The following EPHB1 variants were observed in gnomAD, a reference collection of about 807,000 sequenced individuals.
EPHB1 encodes the protein EPH receptor B1.
EPHB1 carries 30 observed loss-of-function variants against 94.4 expected under a neutral mutation model. That is an observed-to-expected ratio of 0.32 (90% CI 0.24 to 0.43). The LOEUF is 0.43. Ranked by LOEUF, EPHB1 falls within the 20% of genes least tolerant of loss-of-function variation. The pLI is 1.00. For missense variants in EPHB1, 1,055 were observed against 1,308.3 expected, an observed-to-expected ratio of 0.81 and a Z score of 2.99; for synonymous variants, 522 against 489.1, an observed-to-expected ratio of 1.07 and a Z score of -0.89.
intron 12 of EPHB1, among the ~76,000 whole-genome samples, chr3:135,215,459 G>A (rs770742491): frequency 8.5e-5 from 13 of 152,092 alleles, no homozygotes; most frequent in Non-Finnish European, 1.8e-4. Flanking sequence ...CACCACGCCC[G>A]GCCCAGATGT....
At chr3:134,883,975 A>T (rs948737262) in intron 1 of EPHB1, among the ~76,000 whole-genome samples, 12 of 152,210 alleles carry the variant, frequency 7.9e-5, no homozygotes, top group Non-Finnish European at 1.6e-4. Flanking sequence ...AGGTGAAGAA[A>T]TGCAGCCACC....
At chr3:134,885,951 G>A (rs542216459) in intron 1 of EPHB1, among the ~76,000 whole-genome samples, 3 of 152,332 alleles carry the variant, frequency 2.0e-5, no homozygotes, top group Admixed American at 2.0e-4. Flanking sequence ...AACCCAGACT[G>A]AGCAGTGTTG....
chr3:135,180,074 C>T (rs1228756352), intron 10 of EPHB1, 92 bp downstream of exon 10: 1 of 1,459,320 alleles, frequency 6.9e-7, no homozygotes, highest in African/African-American at 1.4e-5. Context: ...ATGAAAAGCC[C>T]CATTAGGAGG....
At chr3:134,984,653 G>A (rs1179613463) in intron 3 of EPHB1, among the ~76,000 whole-genome samples, 4 of 152,104 alleles carry the variant, frequency 2.6e-5, no homozygotes, top group African/African-American at 7.2e-5. Context: ...CCCCAGAGAG[G>A]GAAGGGCCCT....
chr3:135,225,463 T>C (rs1279003812), intron 12 of EPHB1, among the ~76,000 whole-genome samples: 2 of 152,198 alleles, frequency 1.3e-5, no homozygotes, highest in Non-Finnish European at 2.9e-5. Context: ...GTAAGTTCTC[T>C]AACCTTGGGA....
At chr3:135,130,337 A>G (rs1022645414) in intron 4 of EPHB1, among the ~76,000 whole-genome samples, 2 of 152,172 alleles carry the variant, frequency 1.3e-5, no homozygotes, top group Non-Finnish European at 1.5e-5. Context: ...CAAAGAAGGT[A>G]AGGATTGAAT....
At chr3:135,172,083 T>C (rs1941820071) in intron 9 of EPHB1, among the ~76,000 whole-genome samples, 1 of 152,222 alleles carries the variant, frequency 6.6e-6, no homozygotes, top group East Asian at 1.9e-4. Flanking sequence ...GTGATGTTAG[T>C]TCTGGGATCC....
chr3:135,027,228 C>T (rs1576327000), intron 3 of EPHB1, among the ~76,000 whole-genome samples: 1 of 152,182 alleles, frequency 6.6e-6, no homozygotes, highest in African/African-American at 2.4e-5. Flanking sequence ...CCTAATTGCC[C>T]TGGCCAGGAC....
chr3:135,070,779 C>T (rs962063515), intron 3 of EPHB1, among the ~76,000 whole-genome samples: 2 of 152,084 alleles, frequency 1.3e-5, no homozygotes, highest in Admixed American at 1.3e-4. Context: ...ACAAATGTTT[C>T]ATTGTTTTGC....
Position 135,179,987 on chromosome 3 carries a change from G to A in EPHB1, c.1882+5G>A. The A allele has an allele frequency of 6.2e-7, 1 of 1,613,608 alleles. No individual in the cohort carries two copies. The highest frequency in any genetic ancestry group is 8.5e-7 in the Non-Finnish European group (1 of 1,179,646). On this transcript the variant is annotated splice_donor_5th_base_variant and intron_variant, in intron 10 of 15. Transcript: ENST00000398015. ...TTGAAGAGGTCATCGGAGCAGGTAT[G>A]GCTCTTCCCTGTCTTGTTTCTGTTC... is the stretch of plus-strand genomic sequence containing the variant.
rs1233206145 is a variant in EPHB1, at chr3:135,132,773, G to A, written c.1021G>A (p.Glu341Lys). Residue 341 changes from glutamate to lysine, a missense_variant, in exon 5 of 16, where the codon GAG becomes AAG. Glu to Lys is a moderately conservative substitution (Grantham distance 56). Coordinates refer to ENST00000398015, the MANE Select transcript of EPHB1 (RefSeq NM_004441.5). Reference protein sequence around the residue: ...SIVNETSIILEWHPPRETGGR... With the variant: ...SIVNETSIILKWHPPRETGGR... ...CGTCAATGAGACGTCCATCATTCTG[G>A]AGTGGCACCCTCCAAGGGAGACAGG... 1 of 1,613,204 alleles carries A rather than the reference G, an allele frequency of 6.2e-7. No homozygotes were observed. Among genetic ancestry groups the A allele is most frequent in the South Asian group, 1.1e-5 (1 of 91,028 alleles).
intron 1 of EPHB1, among the ~76,000 whole-genome samples, chr3:134,847,227 GC>G (rs1330400627): frequency 1.3e-5 from 2 of 152,090 alleles, no homozygotes; most frequent in African/African-American, 4.8e-5. Context: ...GACTTGGACA[GC>G]AGCAGGGCAA....
chr3:135,047,403 C>T (rs1334534177), intron 3 of EPHB1, among the ~76,000 whole-genome samples: 1 of 152,220 alleles, frequency 6.6e-6, no homozygotes, highest in Non-Finnish European at 1.5e-5. Flanking sequence ...TCCAGCCTGG[C>T]TTCTCAGAGG....
chr3:134,967,934 T>A (rs992644584), intron 3 of EPHB1, among the ~76,000 whole-genome samples: 1 of 152,234 alleles, frequency 6.6e-6, no homozygotes, highest in Non-Finnish European at 1.5e-5. Flanking sequence ...GACCTGTCTC[T>A]AACACACAGG....
At chr3:135,165,846 A>G in intron 7 of EPHB1, 122 bp from the exon 8 acceptor site, 1 of 639,102 alleles carries the variant, frequency 1.6e-6, no homozygotes, top group Non-Finnish European at 2.7e-6. Flanking sequence ...TACAACTCTG[A>G]CACATAGAAA....
chr3:134,935,672 C>T (rs975030819), intron 2 of EPHB1, among the ~76,000 whole-genome samples: 4 of 152,142 alleles, frequency 2.6e-5, no homozygotes, highest in Non-Finnish European at 1.5e-5. Flanking sequence ...CTAGTGGTAA[C>T]AACGACTCTT....
At chr3:134,819,421 A>T (rs776466992) in intron 1 of EPHB1, among the ~76,000 whole-genome samples, 5 of 152,152 alleles carry the variant, frequency 3.3e-5, no homozygotes, top group Non-Finnish European at 7.3e-5. Context: ...CCAGGTTCTC[A>T]TCTCCACTTG....
chr3:135,244,118 C>G (rs780318653), intron 13 of EPHB1, among the ~76,000 whole-genome samples: 1 of 152,188 alleles, frequency 6.6e-6, no homozygotes, highest in Non-Finnish European at 1.5e-5. Flanking sequence ...AGTCACTCCA[C>G]CCAGTCCCAG....
intron 4 of EPHB1, 148 bp downstream of exon 4, chr3:135,106,751 AT>A: frequency 9.9e-7 from 1 of 1,005,928 alleles, no homozygotes; most frequent in Non-Finnish European, 1.5e-6. Context: ...TACAACTCCT[AT>A]GCTCGGAGTT....
Sources: allele counts gnomAD v4.1 joint callset (sites outside exome capture counted in the v4.1 genomes callset), GRCh38; gene constraint gnomAD v4.1.1; transcripts MANE v1.5; gene names NCBI Gene and HGNC (gene_info 2026-07-23, HGNC 2026-07-21).